The following DNAH12 variants were observed in gnomAD, a reference collection of about 807,000 sequenced individuals.
DNAH12 encodes axonemal beta dynein heavy chain 12.
A neutral mutation model predicts 371.5 loss-of-function variants in DNAH12; 285 were observed. That is an observed-to-expected ratio of 0.77 (90% CI 0.70 to 0.85). The LOEUF (loss-of-function observed/expected upper bound fraction) is 0.85. DNAH12 is among the 40% of genes least tolerant of loss of function. DNAH12 has a pLI of 0.00. For synonymous variants in DNAH12, 1,200 were observed against 1,213.0 expected (o/e 0.99, Z 0.22); for missense variants, 3,611 against 3,689.4 (o/e 0.98, Z 0.55).
chr3:57,441,164 G>GA (rs1178505803), intron 29 of DNAH12, among the ~76,000 whole-genome samples: 1 of 152,086 alleles, frequency 6.6e-6, no homozygotes, highest in Admixed American at 6.5e-5. Context: ...TTATAAGATA[G>GA]AAAAAATAGA....
At position 57,335,028 on chromosome 3, in the gene DNAH12, AACTTAG is replaced by A. The variant is rs1431033366; in HGVS notation, c.9675-94_9675-89del. On this transcript the variant is annotated intron_variant, in intron 60 of 73. Coordinates refer to ENST00000495027, the MANE Select transcript of DNAH12 (RefSeq NM_001366028.2). ...TCCGCTTTTGTAACCTGGATAGAAC[AACTTAG>A]ACTGTACTTACCCACCTGCTGTAAA... 3.4e-5 allele frequency: 46 copies of A among 1,361,190 alleles called. 1 individual carries two copies. The Middle Eastern group carries it at 5.8e-4, about 17-fold the overall frequency. The allele number at this position is 1,361,190 out of a possible 1,614,324, so 84.3% of individuals were successfully genotyped here. A position where few individuals can be genotyped will look rare whatever the true frequency, so the allele number is the denominator to read the frequency against.
At chr3:57,420,311 T>C (rs964149481) in intron 36 of DNAH12, among the ~76,000 whole-genome samples, 25 of 152,176 alleles carry the variant, frequency 1.6e-4, no homozygotes, top group African/African-American at 5.5e-4. Flanking sequence ...TAAGACCCGA[T>C]TCCAGAGCTG....
At chr3:57,522,096 T>C (rs1347149393) in intron 4 of DNAH12, among the ~76,000 whole-genome samples, 3 of 150,872 alleles carry the variant, frequency 2.0e-5, no homozygotes, top group Non-Finnish European at 4.4e-5. Flanking sequence ...TGGTGGCACA[T>C]GTCTGTAATC....
intron 69 of DNAH12, among the ~76,000 whole-genome samples, chr3:57,303,136 G>A (rs2061397390): frequency 1.3e-5 from 2 of 151,224 alleles, no homozygotes; most frequent in South Asian, 2.1e-4. Context: ...TCAGGAGATC[G>A]AGACCATCCT....
At chr3:57,364,727 G>T (rs1458855748) in intron 57 of DNAH12, among the ~76,000 whole-genome samples, 1 of 152,090 alleles carries the variant, frequency 6.6e-6, no homozygotes, top group Non-Finnish European at 1.5e-5. Context: ...ACCTGACAAA[G>T]GTCTAATATC....
intron 22 of DNAH12, among the ~76,000 whole-genome samples, chr3:57,456,050 G>T (rs993677034): frequency 2.6e-5 from 4 of 152,150 alleles, no homozygotes; most frequent in African/African-American, 9.7e-5. Flanking sequence ...ATTATAAAAT[G>T]CTTCTTAGCC....
At chr3:57,309,932 A>G in intron 67 of DNAH12, 78 bp from the exon 68 acceptor site, 4 of 1,258,740 alleles carry the variant, frequency 3.2e-6, no homozygotes, top group Non-Finnish European at 4.2e-6. Flanking sequence ...CTACTCCAAA[A>G]TATGCTACTT....
At chr3:57,372,306 A>G (rs1279754558) in intron 55 of DNAH12, among the ~76,000 whole-genome samples, 6 of 152,224 alleles carry the variant, frequency 3.9e-5, no homozygotes, top group African/African-American at 1.2e-4. Context: ...CAGAAAAAGA[A>G]AAAAGCTGAA....
At chr3:57,501,975 C>T (rs551831551) in intron 10 of DNAH12, among the ~76,000 whole-genome samples, 2 of 151,746 alleles carry the variant, frequency 1.3e-5, no homozygotes, top group Non-Finnish European at 2.9e-5. Flanking sequence ...GGCGCGATCT[C>T]GGCTCACTGC....
intron 62 of DNAH12, among the ~76,000 whole-genome samples, chr3:57,325,846 G>C (rs1487662919): frequency 1.3e-5 from 2 of 152,156 alleles, no homozygotes; most frequent in East Asian, 1.9e-4. Flanking sequence ...TGTATAATTA[G>C]AACAACCAAT....
chr3:57,520,075 T>TGGAGCCGCCCGTCA (rs11271610), intron 4 of DNAH12: 4 of 578,112 alleles, frequency 6.9e-6, no homozygotes, highest in African/African-American at 5.7e-5. Context: ...GGCGGCTCTG[T>TGGAGCCGCCCGTCA]GGCTACAGCG....
In DNAH12 at chr3:57,539,654, C is replaced by T. The variant is rs551223936; in HGVS notation, c.170+3047G>A. 1.7e-4 allele frequency among the ~76,000 whole-genome samples: 25 copies of T among 146,224 alleles called. No homozygotes were observed. In the South Asian group the frequency reaches 5.5e-3, roughly 32 times the overall value. On this transcript the variant is annotated intron_variant, in intron 2 of 73. Transcript: ENST00000495027. ...TTTGAGATGGACTCTTGCTCTGTCA[C>T]CCAGGCTGGAGTGCAGTGGCACAAT...
chr3:57,400,076 C>G (rs1471190591), intron 43 of DNAH12, among the ~76,000 whole-genome samples: 2 of 152,076 alleles, frequency 1.3e-5, no homozygotes, highest in Non-Finnish European at 2.9e-5. Context: ...ATTGCTTGAG[C>G]TTAGGGGTTC....
intron 68 of DNAH12, 60 bp from the exon 69 acceptor site, chr3:57,309,314 C>A: frequency 7.5e-7 from 1 of 1,325,620 alleles, no homozygotes; most frequent in South Asian, 1.4e-5. Flanking sequence ...TAGCTTAATT[C>A]AGCCATTATA....
At chr3:57,330,763 G>A (rs1347733428) in intron 62 of DNAH12, among the ~76,000 whole-genome samples, 1 of 150,908 alleles carries the variant, frequency 6.6e-6, no homozygotes, top group African/African-American at 2.4e-5. Context: ...CTGAGGAAGA[G>A]GACCTTTTGC....
intron 13 of DNAH12, among the ~76,000 whole-genome samples, chr3:57,478,508 T>C (rs924125605): frequency 2.0e-5 from 3 of 152,066 alleles, no homozygotes; most frequent in Non-Finnish European, 2.9e-5. Flanking sequence ...CTGCAGGATA[T>C]TATCCAGGAG....
chr3:57,435,291 G>A, intron 30 of DNAH12, among the ~76,000 whole-genome samples: 1 of 145,218 alleles, frequency 6.9e-6, no homozygotes, highest in Admixed American at 7.2e-5. Context: ...AGAATCACTT[G>A]AACCCAGGAG....
intron 59 of DNAH12, among the ~76,000 whole-genome samples, chr3:57,352,656 T>C (rs1439523732): frequency 6.8e-6 from 1 of 146,888 alleles, no homozygotes; most frequent in Admixed American, 6.8e-5. Flanking sequence ...ATCAGTTAAT[T>C]AAAAAAAAAA....
chr3:57,510,987 C>T lies in DNAH12; in HGVS notation c.280-8G>A, dbSNP rs750517016. On this transcript the variant is annotated splice_polypyrimidine_tract_variant and splice_region_variant and intron_variant, in intron 4 of 73. Transcript: ENST00000495027. The stretch of plus-strand genomic sequence containing the variant: ...CATATAAATATAGTTGAACTGAGAA[C>T]ATAAGAAAAAATTAAATGTTCTGCA... 3.8e-6 allele frequency: 6 copies of T among 1,575,834 alleles called. No individual in the cohort carries two copies. In the African/African-American group the frequency reaches 6.9e-5, roughly 18 times the overall value.
Sources: allele counts gnomAD v4.1 joint callset (sites outside exome capture counted in the v4.1 genomes callset), GRCh38; gene constraint gnomAD v4.1.1; transcripts MANE v1.5; gene names NCBI Gene and HGNC (gene_info 2026-07-23, HGNC 2026-07-21).